The following BCAS3 variants were observed in gnomAD, a reference collection of about 807,000 sequenced individuals.
BCAS3 encodes the protein BCAS3 microtubule associated cell migration factor, also known as BCAS4/BCAS3 fusion.
In BCAS3, 53 loss-of-function variants were observed where a neutral mutation model predicts 116.1. The ratio of observed to expected loss-of-function variants is 0.46; its 90% CI spans 0.37 to 0.57. The LOEUF (loss-of-function observed/expected upper bound fraction) is 0.57. Among genes scored for constraint, BCAS3 ranks in the 20% least tolerant of loss-of-function variants. The pLI, the probability that BCAS3 is intolerant of heterozygous loss-of-function variation, is 0.00. For synonymous variants in BCAS3, 391 were observed against 408.2 expected (o/e 0.96, Z 0.51); for missense variants, 917 against 1,165.4 (o/e 0.79, Z 3.10).
At chr17:61,058,148 A>G (rs2069581957) in intron 19 of BCAS3, among the ~76,000 whole-genome samples, 2 of 152,136 alleles carry the variant, frequency 1.3e-5, no homozygotes, top group Non-Finnish European at 2.9e-5. Flanking sequence ...TCTTACTGAA[A>G]GTAACCAGCC....
At chr17:61,216,519 T>TATTTC (rs1251970493) in intron 22 of BCAS3, among the ~76,000 whole-genome samples, 2 of 133,840 alleles carry the variant, frequency 1.5e-5, no homozygotes, top group African/African-American at 2.8e-5. Flanking sequence ...AGTATGTGTT[T>TATTTC]ATTTTATTTT....
chr17:60,948,982 T>A (rs2060682489), intron 14 of BCAS3, among the ~76,000 whole-genome samples: 1 of 151,920 alleles, frequency 6.6e-6, no homozygotes, highest in South Asian at 2.1e-4. Flanking sequence ...GTTCAAGCAA[T>A]TCTCCTACCT....
intron 5 of BCAS3, among the ~76,000 whole-genome samples, chr17:60,744,019 T>C (rs1374828947): frequency 6.6e-6 from 1 of 152,172 alleles, no homozygotes; most frequent in African/African-American, 2.4e-5. Flanking sequence ...GTACGTCCGG[T>C]TTATGCCCCA....
intron 10 of BCAS3, among the ~76,000 whole-genome samples, chr17:60,894,021 G>T (rs554389572): frequency 1.3e-5 from 2 of 152,046 alleles, no homozygotes; most frequent in South Asian, 4.2e-4. Context: ...GCTTAGGACC[G>T]CTTTGGCCAT....
chr17:61,194,113 T>A (rs2031488597), intron 22 of BCAS3, among the ~76,000 whole-genome samples: 1 of 151,742 alleles, frequency 6.6e-6, no homozygotes, highest in East Asian at 1.9e-4. Context: ...CGAGACCCTG[T>A]CTCAGAAAAA....
intron 6 of BCAS3, among the ~76,000 whole-genome samples, chr17:60,759,851 A>G (rs2043348047): frequency 1.3e-5 from 2 of 151,990 alleles, no homozygotes; most frequent in Admixed American, 1.3e-4. Context: ...AATACTGTAG[A>G]GATGAGGGTT....
At chr17:60,936,133 T>A (rs950218432) in intron 13 of BCAS3, among the ~76,000 whole-genome samples, 29 of 151,528 alleles carry the variant, frequency 1.9e-4, no homozygotes, top group Non-Finnish European at 4.3e-4. Context: ...CTTGTGATAG[T>A]TTGCTGAGAA....
chr17:60,937,508 A>C (rs2059998298), intron 13 of BCAS3, among the ~76,000 whole-genome samples: 1 of 152,146 alleles, frequency 6.6e-6, no homozygotes, highest in Non-Finnish European at 1.5e-5. Flanking sequence ...GGCTTGTTGA[A>C]TTTTATTTAT....
intron 13 of BCAS3, among the ~76,000 whole-genome samples, chr17:60,929,279 C>T (rs1196837040): frequency 6.6e-6 from 1 of 151,938 alleles, no homozygotes; most frequent in Admixed American, 6.6e-5. Flanking sequence ...TAAAAAATTA[C>T]CTGGGCGTGG....
intron 22 of BCAS3, among the ~76,000 whole-genome samples, chr17:61,310,935 G>A (rs1394192228): frequency 1.3e-5 from 2 of 152,174 alleles, no homozygotes; most frequent in South Asian, 2.1e-4. Context: ...AGCTGGAGCA[G>A]TTCACTTCCA....
chr17:60,971,425 A>G (rs1348169584), intron 14 of BCAS3, among the ~76,000 whole-genome samples: 1 of 152,180 alleles, frequency 6.6e-6, no homozygotes, highest in Non-Finnish European at 1.5e-5. Context: ...CAGTACATAA[A>G]TGAATGGGCA....
intron 6 of BCAS3, among the ~76,000 whole-genome samples, chr17:60,751,143 C>T (rs2042418828): frequency 6.6e-6 from 1 of 152,212 alleles, no homozygotes; most frequent in South Asian, 2.1e-4. Flanking sequence ...TCATATCCCA[C>T]AGAAGACCAT....
At position 61,019,371 on chromosome 17, in the gene BCAS3, C is replaced by A. The variant is rs1449692294; in HGVS notation, c.1637+3470C>A. Among the ~76,000 whole-genome samples the A allele has an allele frequency of 1.3e-5, 2 of 152,130 alleles. No homozygotes were observed. Among genetic ancestry groups the A allele is most frequent in the African/African-American group, 4.8e-5 (2 of 41,442 alleles). On this transcript the variant is annotated intron_variant, in intron 16 of 23. Coordinates refer to ENST00000407086, the MANE Select transcript of BCAS3 (RefSeq NM_017679.5). The surrounding 1 kb of genome is among the most constrained non-coding windows in gnomAD (Gnocchi z 5.6). ...AAAGGTTGGGGATCGCTCCTTAAGC[C>A]ACTCTCTGAAGAGTTTGTTGATTAT...
At chr17:60,845,182 T>C (rs575281734) in intron 7 of BCAS3, among the ~76,000 whole-genome samples, 72 of 152,306 alleles carry the variant, frequency 4.7e-4, no homozygotes, top group Non-Finnish European at 8.1e-4. Flanking sequence ...TGAGCCAAGA[T>C]TGCGCCATTG....
intron 23 of BCAS3, among the ~76,000 whole-genome samples, chr17:61,375,247 T>TGCGCGCGCGCGCACAC (rs1555861862): frequency 1.2e-4 from 16 of 129,760 alleles, no homozygotes; most frequent in African/African-American, 6.8e-4. Flanking sequence ...TGTGTGTGTG[T>TGCGCGCGCGCGCACAC]GTGTGTGTAC....
At chr17:61,299,079 T>C (rs2053206782) in intron 22 of BCAS3, among the ~76,000 whole-genome samples, 1 of 151,702 alleles carries the variant, frequency 6.6e-6, no homozygotes, top group Admixed American at 6.6e-5. Flanking sequence ...CACCTCAGCC[T>C]CCCAAAGTGC....
chr17:61,242,948 T>C (rs2109022), intron 22 of BCAS3, among the ~76,000 whole-genome samples: 39,446 of 151,244 alleles, frequency 0.26, 5,450 homozygotes, highest in Middle Eastern at 0.37. Flanking sequence ...TCTGTCACCA[T>C]GTCACCAGGT....
chr17:60,945,141 A>G (rs375704031), intron 13 of BCAS3, among the ~76,000 whole-genome samples: 1 of 152,210 alleles, frequency 6.6e-6, no homozygotes, highest in South Asian at 2.1e-4. Flanking sequence ...TTTTATCTCT[A>G]TGCACTAGCA....
At chr17:60,782,889 G>A (rs1011041759) in intron 6 of BCAS3, among the ~76,000 whole-genome samples, 1 of 151,952 alleles carries the variant, frequency 6.6e-6, no homozygotes, top group Non-Finnish European at 1.5e-5. Flanking sequence ...CACCCAGCCA[G>A]TCTTTAGAAA....
Sources: allele counts gnomAD v4.1 joint callset (sites outside exome capture counted in the v4.1 genomes callset), GRCh38; gene constraint gnomAD v4.1.1; non-coding constraint Gnocchi (gnomAD v3.1); transcripts MANE v1.5; gene names NCBI Gene and HGNC (gene_info 2026-07-23, HGNC 2026-07-21).